The following GPC6 variants were observed in gnomAD, a reference collection of about 807,000 sequenced individuals.
The protein encoded by GPC6 is glypican 6.
Under a neutral mutation model 55.2 loss-of-function variants are expected in GPC6, and 14 were observed. That is an observed-to-expected ratio of 0.25 (90% confidence interval 0.17 to 0.40). GPC6 has a LOEUF of 0.40. Ranked by LOEUF, GPC6 falls within the 10% of genes least tolerant of loss-of-function variation. GPC6 has a pLI of 1.00. For missense variants in GPC6, 641 were observed against 708.5 expected (o/e 0.90, Z 1.08); for synonymous variants, 278 against 259.6 (o/e 1.07, Z -0.68).
intron 2 of GPC6, among the ~76,000 whole-genome samples, chr13:93,693,587 T>G (rs948221409): frequency 1.3e-5 from 2 of 151,176 alleles, no homozygotes; most frequent in African/African-American, 4.8e-5. Context: ...CAAGCAATCC[T>G]CCCACCTCAG....
chr13:93,300,507 G>A (rs1024727189), intron 1 of GPC6, among the ~76,000 whole-genome samples: 5 of 151,834 alleles, frequency 3.3e-5, no homozygotes, highest in African/African-American at 1.2e-4. Context: ...AATTAGCCGG[G>A]CGTGGTGGCG....
In GPC6 at chr13:93,543,951, T is replaced by G. The variant is rs373114648; in HGVS notation, c.161-1312T>G. On this transcript the variant is annotated intron_variant, in intron 1 of 8. Coordinates refer to ENST00000377047, the MANE Select transcript of GPC6 (RefSeq NM_005708.5). Reference sequence around the variant, plus strand: ...GACAGTATATGAGTTTCCTTTTCCCTGAATCCTCCCCAGCATTTGTTATTT... The same window carrying G: ...GACAGTATATGAGTTTCCTTTTCCCGGAATCCTCCCCAGCATTTGTTATTT... Among the ~76,000 whole-genome samples, 5 of 152,266 alleles carry G rather than the reference T, an allele frequency of 3.3e-5. No individual in the cohort carries two copies. In the South Asian group the frequency reaches 1.0e-3, roughly 32 times the overall value.
intron 4 of GPC6, among the ~76,000 whole-genome samples, chr13:94,277,842 T>C (rs373615999): frequency 7.3e-4 from 111 of 152,320 alleles, no homozygotes; most frequent in Admixed American, 1.8e-3. Context: ...CACCTTGTAG[T>C]ATAGTTTGAA....
chr13:94,256,291 C>T (rs1413829776), intron 4 of GPC6, among the ~76,000 whole-genome samples: 1 of 152,098 alleles, frequency 6.6e-6, no homozygotes, highest in Non-Finnish European at 1.5e-5. Flanking sequence ...AGATTTGTGT[C>T]TCAGTGTAGT....
chr13:93,538,405 G>C (rs1371195255), intron 1 of GPC6, among the ~76,000 whole-genome samples: 1 of 152,012 alleles, frequency 6.6e-6, no homozygotes, highest in Non-Finnish European at 1.5e-5. Context: ...TGTATTCCTG[G>C]GAGTAAGAAA....
chr13:94,326,698 A>G (rs1327019704), intron 6 of GPC6, among the ~76,000 whole-genome samples: 3 of 152,252 alleles, frequency 2.0e-5, no homozygotes, highest in Non-Finnish European at 4.4e-5. Flanking sequence ...GAGGAATTCT[A>G]TGGCCTACAT....
rs932165923 is a variant in GPC6 at position 93,413,111 on chromosome 13, T to C, written c.161-132152T>C. Among the ~76,000 whole-genome samples, 4 of 152,296 alleles carry C rather than the reference T, an allele frequency of 2.6e-5. No individual in the cohort carries two copies. The South Asian group carries it at 6.2e-4, about 24-fold the overall frequency. On this transcript the variant is annotated intron_variant, in intron 1 of 8. Transcript: ENST00000377047. Reference sequence around the variant, plus strand: ...ATTATCAGTGATAAAAATAAATCCATGTTGTGTTGGTCTGAGTTTATTTAG... The same window carrying C: ...ATTATCAGTGATAAAAATAAATCCACGTTGTGTTGGTCTGAGTTTATTTAG...
At chr13:94,197,350 G>A (rs755997074) in intron 4 of GPC6, among the ~76,000 whole-genome samples, 5 of 152,136 alleles carry the variant, frequency 3.3e-5, no homozygotes, top group Non-Finnish European at 7.4e-5. Context: ...GAGCTATAAC[G>A]GTATTAGCCT....
intron 4 of GPC6, among the ~76,000 whole-genome samples, chr13:94,096,103 C>A (rs904465123): frequency 1.3e-5 from 2 of 152,110 alleles, no homozygotes; most frequent in Non-Finnish European, 2.9e-5. Flanking sequence ...GTTTCTGGAG[C>A]TAAACACAGA....
chr13:93,989,213 A>G (rs138273775), intron 3 of GPC6, among the ~76,000 whole-genome samples: 83 of 152,236 alleles, frequency 5.5e-4, no homozygotes, highest in African/African-American at 1.9e-3. Flanking sequence ...GTGTCCTTCT[A>G]TGTAGTCCCT....
chr13:94,028,988 A>G (rs1883009657), intron 4 of GPC6, among the ~76,000 whole-genome samples: 1 of 152,258 alleles, frequency 6.6e-6, no homozygotes. Flanking sequence ...TGACAAGCAG[A>G]GTGGTGAAAA....
At chr13:93,670,461 C>T (rs1424683834) in intron 2 of GPC6, among the ~76,000 whole-genome samples, 6 of 152,130 alleles carry the variant, frequency 3.9e-5, no homozygotes, top group Non-Finnish European at 7.3e-5. Flanking sequence ...AATCATCTGG[C>T]ATCATAATGT....
At chr13:93,411,318 C>G (rs1566342574) in intron 1 of GPC6, among the ~76,000 whole-genome samples, 1 of 152,160 alleles carries the variant, frequency 6.6e-6, no homozygotes, top group Non-Finnish European at 1.5e-5. Context: ...AGTGTAGTCA[C>G]AAGGATTGCT....
At chr13:94,106,383 G>T (rs560931510) in intron 4 of GPC6, among the ~76,000 whole-genome samples, 4 of 152,270 alleles carry the variant, frequency 2.6e-5, no homozygotes, top group East Asian at 3.9e-4. Flanking sequence ...GGATAACGTT[G>T]GTGAAAGTGG....
At chr13:93,708,576 A>G (rs1882936284) in intron 2 of GPC6, among the ~76,000 whole-genome samples, 1 of 151,774 alleles carries the variant, frequency 6.6e-6, no homozygotes, top group East Asian at 1.9e-4. Flanking sequence ...AGTGACATTA[A>G]ATTATTCCTC....
intron 1 of GPC6, among the ~76,000 whole-genome samples, chr13:93,247,145 T>G (rs546037820): frequency 1.3e-5 from 2 of 152,258 alleles, no homozygotes; most frequent in South Asian, 2.1e-4. Context: ...AGATACCTAA[T>G]TCTTTAAAGA....
At chr13:93,631,909 T>C (rs895691344) in intron 2 of GPC6, among the ~76,000 whole-genome samples, 3 of 152,216 alleles carry the variant, frequency 2.0e-5, no homozygotes, top group Admixed American at 2.0e-4. Context: ...TGGGATTTTC[T>C]TGGGTAAACA....
At chr13:93,477,209 C>A (rs1879332192) in intron 1 of GPC6, among the ~76,000 whole-genome samples, 1 of 150,886 alleles carries the variant, frequency 6.6e-6, no homozygotes, top group South Asian at 2.1e-4. Flanking sequence ...TTAGAGTATC[C>A]CAGATTTTAA....
chr13:93,934,054 T>C (rs1199601861), intron 3 of GPC6, among the ~76,000 whole-genome samples: 1 of 152,200 alleles, frequency 6.6e-6, no homozygotes, highest in Non-Finnish European at 1.5e-5. Flanking sequence ...GTGACTTTGG[T>C]GGATACATGT....
Sources: allele counts gnomAD v4.1 joint callset (sites outside exome capture counted in the v4.1 genomes callset), GRCh38; gene constraint gnomAD v4.1.1; transcripts MANE v1.5; gene names NCBI Gene and HGNC (gene_info 2026-07-23, HGNC 2026-07-21).